PRKCB: variants seen among roughly 807,000 people sequenced by gnomAD.
The protein encoded by PRKCB is protein kinase C beta type.
In PRKCB, 13 loss-of-function variants were observed where a neutral mutation model predicts 81.5. That is an observed-to-expected ratio of 0.16 (90% confidence interval 0.10 to 0.25). PRKCB has a LOEUF of 0.25. Among genes scored for constraint, PRKCB ranks in the 10% least tolerant of loss-of-function variants. PRKCB has a pLI of 1.00. For synonymous variants in PRKCB, 335 were observed against 321.4 expected, an observed-to-expected ratio of 1.04 and a Z score of -0.45; for missense variants, 509 against 875.7, an observed-to-expected ratio of 0.58 and a Z score of 5.29.
At chr16:24,064,906 G>C (rs188823064) in intron 5 of PRKCB, among the ~76,000 whole-genome samples, 2 of 149,926 alleles carry the variant, frequency 1.3e-5, no homozygotes, top group East Asian at 3.9e-4. Context: ...TTTATGATGT[G>C]TGTGTTTATA....
At chr16:24,031,672 G>A (rs1321256757) in intron 3 of PRKCB, among the ~76,000 whole-genome samples, 1 of 152,226 alleles carries the variant, frequency 6.6e-6, no homozygotes, top group Non-Finnish European at 1.5e-5. Context: ...CAGTGATGAG[G>A]AACTGGCAAT....
chr16:24,112,965 C>T lies in PRKCB; in HGVS notation c.822-8C>T, dbSNP rs1233403757. On this transcript the variant is annotated splice_polypyrimidine_tract_variant and splice_region_variant and intron_variant, in intron 7 of 16. Transcript: ENST00000643927. ...TGAAATGTGTCCCACCCCCTTGTCT[C>T]CCTTCAGGTTTAAGTTACTGAGCCA... is the stretch of plus-strand genomic sequence containing the variant. The T allele has an allele frequency of 6.3e-7, 1 of 1,595,274 alleles. No homozygotes were observed.
intron 2 of PRKCB, among the ~76,000 whole-genome samples, chr16:23,877,938 A>G (rs1000209045): frequency 2.0e-5 from 3 of 151,354 alleles, no homozygotes; most frequent in African/African-American, 7.3e-5. Flanking sequence ...GGGTCAGGTG[A>G]TTCTCATGCC....
At chr16:23,875,283 C>T (rs1041865719) in intron 2 of PRKCB, among the ~76,000 whole-genome samples, 1 of 151,888 alleles carries the variant, frequency 6.6e-6, no homozygotes, top group African/African-American at 2.4e-5. Flanking sequence ...AAGTAATCCT[C>T]CCAGCTCAGT....
chr16:23,838,889 T>A (rs988949852), intron 2 of PRKCB, among the ~76,000 whole-genome samples: 1 of 152,332 alleles, frequency 6.6e-6, no homozygotes, highest in South Asian at 2.1e-4. Flanking sequence ...TCTCTTTAAG[T>A]GGCAACAACT....
At chr16:23,890,762 G>C (rs1963281135) in intron 2 of PRKCB, among the ~76,000 whole-genome samples, 1 of 152,046 alleles carries the variant, frequency 6.6e-6, no homozygotes, top group Non-Finnish European at 1.5e-5. Context: ...CTTTCTTCTG[G>C]GAACATCATC....
intron 16 of PRKCB, among the ~76,000 whole-genome samples, chr16:24,204,855 C>T (rs1968019187): frequency 6.6e-6 from 1 of 152,212 alleles, no homozygotes; most frequent in Non-Finnish European, 1.5e-5. Context: ...GGCACAGAGG[C>T]TCATGCCTGT....
At chr16:23,912,008 T>C (rs1051821870) in intron 2 of PRKCB, among the ~76,000 whole-genome samples, 1 of 151,636 alleles carries the variant, frequency 6.6e-6, no homozygotes, top group African/African-American at 2.4e-5. Flanking sequence ...AGTTTTGTAT[T>C]TTTAGTAGAG....
At chr16:23,841,737 C>T (rs1321750628) in intron 2 of PRKCB, among the ~76,000 whole-genome samples, 1 of 142,906 alleles carries the variant, frequency 7.0e-6, no homozygotes, top group Non-Finnish European at 1.5e-5. Flanking sequence ...CTCACTGCAA[C>T]CTCCACTTCC....
At chr16:24,016,376 A>C (rs1158535041) in intron 3 of PRKCB, among the ~76,000 whole-genome samples, 1 of 152,056 alleles carries the variant, frequency 6.6e-6, no homozygotes, top group Non-Finnish European at 1.5e-5. Flanking sequence ...ACCCGGGCTA[A>C]GAGCTGCTGG....
At chr16:23,952,000 G>C (rs1398796301) in intron 2 of PRKCB, among the ~76,000 whole-genome samples, 1 of 152,166 alleles carries the variant, frequency 6.6e-6, no homozygotes, top group Non-Finnish European at 1.5e-5. Context: ...GAGGGCAGGG[G>C]CTGTACTTTA....
chr16:23,911,667 C>A (rs1412916088), intron 2 of PRKCB, among the ~76,000 whole-genome samples: 1 of 152,112 alleles, frequency 6.6e-6, no homozygotes, highest in Non-Finnish European at 1.5e-5. Context: ...TTGGACATGA[C>A]CTCCTCCATC....
chr16:24,172,652 C>T lies in PRKCB; in HGVS notation c.1331+291C>T, dbSNP rs540349797. On this transcript the variant is annotated intron_variant, in intron 11 of 16. Coordinates refer to ENST00000643927, the MANE Select transcript of PRKCB (RefSeq NM_002738.7). ...CTTGAGCTCAGGAGTTAGAGGCCAG[C>T]CTGGGCACCATGACGAGATCTCGTC... Among the ~76,000 whole-genome samples, 3 of 152,158 alleles carry T rather than the reference C, an allele frequency of 2.0e-5. No individual in the cohort carries two copies. In the East Asian group the frequency reaches 5.8e-4, roughly 29 times the overall value.
At chr16:24,144,382 T>C (rs1237086302) in intron 9 of PRKCB, among the ~76,000 whole-genome samples, 6 of 152,218 alleles carry the variant, frequency 3.9e-5, no homozygotes, top group Admixed American at 3.9e-4. Context: ...CACTGCAACC[T>C]CCACCTCTCG....
At chr16:24,174,040 A>C (rs555223585) in intron 11 of PRKCB, among the ~76,000 whole-genome samples, 3 of 151,956 alleles carry the variant, frequency 2.0e-5, no homozygotes, top group African/African-American at 7.2e-5. Flanking sequence ...ACAGGGTCTC[A>C]CTCTGTTGCT....
rs77810812 is a variant in PRKCB, at chr16:23,851,410, T to G, written c.205+14004T>G. 1.4e-3 allele frequency among the ~76,000 whole-genome samples: 211 copies of G among 152,352 alleles called. 7 individuals carry two copies. In the East Asian group the frequency reaches 0.035, roughly 25 times the overall value. On this transcript the variant is annotated intron_variant, in intron 2 of 16. Transcript: ENST00000643927. ...TTGGCTATAAATGTGCAGGTTTATA[T>G]CTGGGCTTTCTATCCTGTTCCATTG...
At chr16:24,168,541 C>CTTTTTTTTTTTTTTTTTTTTTTTTTT (rs56671761) in intron 10 of PRKCB, among the ~76,000 whole-genome samples, 3 of 76,392 alleles carry the variant, frequency 3.9e-5, no homozygotes, top group African/African-American at 3.9e-5. Flanking sequence ...TCTTCTTCTA[C>CTTTTTTTTTTTTTTTTTTTTTTTTTT]TTTTTTTTTT....
chr16:24,059,754 G>A (rs1033596876), intron 5 of PRKCB, among the ~76,000 whole-genome samples: 1 of 152,168 alleles, frequency 6.6e-6, no homozygotes, highest in Admixed American at 6.5e-5. Context: ...AGAAGCCAAG[G>A]GAAGAGAGAA....
intron 16 of PRKCB, among the ~76,000 whole-genome samples, chr16:24,202,277 C>T (rs1009138378): frequency 3.3e-5 from 5 of 152,162 alleles, no homozygotes; most frequent in Non-Finnish European, 5.9e-5. Context: ...TGCATACAAA[C>T]ACACTTTTGA....
Sources: gnomAD v4.1 joint callset for allele counts (sites outside exome capture counted in the v4.1 genomes callset) on GRCh38, gnomAD v4.1.1 for gene constraint, MANE v1.5 for transcripts, NCBI Gene and HGNC (gene_info 2026-07-23, HGNC 2026-07-21) for gene names.